PTPRT: variants seen among roughly 807,000 people sequenced by gnomAD.
The protein encoded by PTPRT is receptor-type tyrosine-protein phosphatase T.
Under a neutral mutation model 176.8 loss-of-function variants are expected in PTPRT, and 56 were observed. That is an observed-to-expected ratio of 0.32 (90% CI 0.26 to 0.40). The LOEUF (loss-of-function observed/expected upper bound fraction) is 0.40, where lower values mean the gene tolerates loss of function less well. Ranked by LOEUF, PTPRT falls within the 10% of genes least tolerant of loss-of-function variation. The pLI is 1.00. For missense variants in PTPRT, 1,540 were observed against 1,908.2 expected (o/e 0.81, Z 3.60); for synonymous variants, 783 against 739.0 (o/e 1.06, Z -0.96).
chr20:43,156,731 C>A (rs1242431424), intron 1 of PTPRT, among the ~76,000 whole-genome samples: 1 of 152,174 alleles, frequency 6.6e-6, no homozygotes, highest in African/African-American at 2.4e-5. Flanking sequence ...GTGCCAGGAT[C>A]TCATCAGTTC....
chr20:42,667,714 T>C (rs1288312259), intron 7 of PTPRT, among the ~76,000 whole-genome samples: 4 of 152,184 alleles, frequency 2.6e-5, no homozygotes, highest in Non-Finnish European at 1.5e-5. Flanking sequence ...CGGAGTTCAA[T>C]TAACAAGAGC....
chr20:43,048,851 C>T (rs1460654497), intron 1 of PTPRT, among the ~76,000 whole-genome samples: 13 of 152,120 alleles, frequency 8.5e-5, no homozygotes, highest in Admixed American at 3.9e-4. Context: ...AGGTGGCTGA[C>T]CAACAGCAGT....
At chr20:43,186,716 C>T (rs545486597) in intron 1 of PTPRT, among the ~76,000 whole-genome samples, 18 of 152,310 alleles carry the variant, frequency 1.2e-4, no homozygotes, top group South Asian at 2.1e-4. Context: ...ATTTAAGCCA[C>T]GTTTGCACAT....
chr20:42,811,195 TA>T (rs1016037475), intron 2 of PTPRT, among the ~76,000 whole-genome samples: 8 of 152,044 alleles, frequency 5.3e-5, no homozygotes, highest in Non-Finnish European at 8.8e-5. Flanking sequence ...GATTGAAGTT[TA>T]AAAAAAATCT....
chr20:42,938,556 G>C (rs1215289558), intron 1 of PTPRT, among the ~76,000 whole-genome samples: 1 of 152,156 alleles, frequency 6.6e-6, no homozygotes, highest in Non-Finnish European at 1.5e-5. Flanking sequence ...GGCAAGGACA[G>C]TTAAGTTCCT....
intron 1 of PTPRT, among the ~76,000 whole-genome samples, chr20:43,051,245 ACTCCAGTTTGAATTG>A (rs1263931092): frequency 1.3e-5 from 2 of 152,182 alleles, no homozygotes; most frequent in Non-Finnish European, 2.9e-5. Context: ...TCTTTTGCTA[ACTCCAGTTTGAATTG>A]GGTCTCTTGC....
intron 1 of PTPRT, among the ~76,000 whole-genome samples, chr20:43,140,183 T>C (rs2013958263): frequency 6.6e-6 from 1 of 152,070 alleles, no homozygotes; most frequent in Non-Finnish European, 1.5e-5. Context: ...GAAGACAAAA[T>C]TCTGTACCTC....
At chr20:42,458,174 G>A (rs1221305263) in intron 8 of PTPRT, among the ~76,000 whole-genome samples, 1 of 152,166 alleles carries the variant, frequency 6.6e-6, no homozygotes, top group African/African-American at 2.4e-5. Flanking sequence ...GAGCAGCCAT[G>A]GCATCGTTTT....
chr20:42,771,289 C>T (rs2077058558), intron 5 of PTPRT, 146 bp downstream of exon 5: 9 of 723,684 alleles, frequency 1.2e-5, no homozygotes, highest in Non-Finnish European at 1.9e-5. Flanking sequence ...AGTTTGTAAG[C>T]AAGGGTGGGC....
At chr20:43,048,330 A>G (rs1986914955) in intron 1 of PTPRT, among the ~76,000 whole-genome samples, 1 of 152,052 alleles carries the variant, frequency 6.6e-6, no homozygotes, top group South Asian at 2.1e-4. Context: ...CTGGCTGGGG[A>G]GACTGTCAGG....
At chr20:42,318,102 A>C (rs2057747015) in intron 11 of PTPRT, among the ~76,000 whole-genome samples, 1 of 152,198 alleles carries the variant, frequency 6.6e-6, no homozygotes, top group African/African-American at 2.4e-5. Flanking sequence ...AACATCTGAG[A>C]AGGTGTTAAC....
chr20:42,101,887 T>C (rs1349151919), intron 26 of PTPRT, among the ~76,000 whole-genome samples: 1 of 152,222 alleles, frequency 6.6e-6, no homozygotes, highest in African/African-American at 2.4e-5. Flanking sequence ...GGAGCCACCT[T>C]ACGCTTCTGG....
chr20:42,400,414 G>A (rs377150928), intron 9 of PTPRT, among the ~76,000 whole-genome samples: 1 of 152,088 alleles, frequency 6.6e-6, no homozygotes. Context: ...TTCTTCCCTT[G>A]AGGAGTTCAA....
At chr20:42,662,494 TTA>T (rs2075241034) in intron 7 of PTPRT, among the ~76,000 whole-genome samples, 1 of 152,160 alleles carries the variant, frequency 6.6e-6, no homozygotes, top group African/African-American at 2.4e-5. Flanking sequence ...CCTCATGGGG[TTA>T]TAGGTTTGCA....
intron 1 of PTPRT, among the ~76,000 whole-genome samples, chr20:42,980,969 GT>G (rs1350166637): frequency 1.3e-5 from 2 of 152,164 alleles, no homozygotes; most frequent in Non-Finnish European, 2.9e-5. Flanking sequence ...CAACTTCAGT[GT>G]GCCTTTCTCC....
intron 1 of PTPRT, among the ~76,000 whole-genome samples, chr20:43,104,347 A>G (rs1225935137): frequency 6.6e-6 from 1 of 152,020 alleles, no homozygotes; most frequent in Non-Finnish European, 1.5e-5. Context: ...ACCAGCTACA[A>G]CATCACCCCC....
chr20:42,255,296 G>GA (rs1431376291), intron 13 of PTPRT, among the ~76,000 whole-genome samples: 1 of 152,152 alleles, frequency 6.6e-6, no homozygotes. Context: ...GAAATAATTA[G>GA]AAAATGCCAA....
chr20:42,395,205 G>A (rs148533188), intron 9 of PTPRT, among the ~76,000 whole-genome samples: 4 of 151,998 alleles, frequency 2.6e-5, no homozygotes, highest in African/African-American at 7.3e-5. Flanking sequence ...ACACCTCCAC[G>A]CTCTCCTCAC....
At chr20:42,104,035 G>A (rs751385709) in intron 25 of PTPRT, among the ~76,000 whole-genome samples, 1 of 152,210 alleles carries the variant, frequency 6.6e-6, no homozygotes, top group South Asian at 2.1e-4. Flanking sequence ...TACTGTTACG[G>A]ACTAAATGTT....
Sources: gnomAD v4.1 joint callset for allele counts (sites outside exome capture counted in the v4.1 genomes callset) on GRCh38, gnomAD v4.1.1 for gene constraint, MANE v1.5 for transcripts, NCBI Gene and HGNC (gene_info 2026-07-23, HGNC 2026-07-21) for gene names.